The following FAH variants were observed in gnomAD, a reference collection of about 807,000 sequenced individuals.
FAH encodes fumarylacetoacetase.
In FAH, 47 loss-of-function variants were observed where a neutral mutation model predicts 55.8. The ratio of observed to expected loss-of-function variants is 0.84; its 90% CI spans 0.67 to 1.07. The LOEUF is 1.07. Among genes scored for constraint, FAH ranks in the 50% least tolerant of loss-of-function variants. The pLI, the probability that FAH is intolerant of heterozygous loss-of-function variation, is 0.00. For missense variants in FAH, 495 were observed against 545.9 expected, an observed-to-expected ratio of 0.91 and a Z score of 0.93; for synonymous variants, 199 against 207.7, an observed-to-expected ratio of 0.96 and a Z score of 0.36.
At chr15:80,164,441 C>T (rs2041175203) in intron 5 of FAH, among the ~76,000 whole-genome samples, 1 of 152,172 alleles carries the variant, frequency 6.6e-6, no homozygotes, top group Admixed American at 6.5e-5. Context: ...CTTAATCACA[C>T]CTGCAAAACT....
At chr15:80,179,156 C>G (rs1027359191) in intron 11 of FAH, among the ~76,000 whole-genome samples, 1 of 152,176 alleles carries the variant, frequency 6.6e-6, no homozygotes, top group Non-Finnish European at 1.5e-5. Flanking sequence ...AGCATTTTGC[C>G]TGCTCCACAT....
At chr15:80,181,219 C>A in intron 13 of FAH, 60 bp downstream of exon 13, 1 of 1,192,116 alleles carries the variant, frequency 8.4e-7, no homozygotes, top group Non-Finnish European at 1.2e-6. Context: ...ACTGTTCTAG[C>A]TGCGGGGCGC....
intron 11 of FAH, among the ~76,000 whole-genome samples, chr15:80,178,879 C>T (rs1011473247): frequency 3.9e-5 from 6 of 152,188 alleles, no homozygotes; most frequent in Non-Finnish European, 8.8e-5. Context: ...TGAGCCACTG[C>T]GCCCGGCCAA....
At chr15:80,169,956 C>T (rs1015473405) in intron 7 of FAH, among the ~76,000 whole-genome samples, 14 of 152,238 alleles carry the variant, frequency 9.2e-5, no homozygotes, top group African/African-American at 2.9e-4. Context: ...TGGCAACATC[C>T]TTCGTAACCA....
At chr15:80,162,709 T>A in intron 5 of FAH, 1 of 353,388 alleles carries the variant, frequency 2.8e-6, no homozygotes, top group South Asian at 2.4e-5. Flanking sequence ...AATCCTCAAA[T>A]GTGCCCAGTG....
chr15:80,169,370 G>A (rs535800890), intron 7 of FAH, among the ~76,000 whole-genome samples: 4 of 151,962 alleles, frequency 2.6e-5, no homozygotes, highest in East Asian at 1.9e-4. Flanking sequence ...GTGACAGAGC[G>A]AGACTCTGTC....
chr15:80,166,962 G>C (rs936787042), intron 5 of FAH: 2 of 152,118 alleles, frequency 1.3e-5, no homozygotes, highest in African/African-American at 4.8e-5. Context: ...ATAAAGTCAG[G>C]CATGCCAATC....
chr15:80,179,503 G>A (rs968028085), intron 11 of FAH, among the ~76,000 whole-genome samples: 3 of 152,114 alleles, frequency 2.0e-5, no homozygotes, highest in African/African-American at 7.2e-5. Flanking sequence ...GCTGTGGCCT[G>A]GGACAGGCAT....
Position 80,181,143 on chromosome 15 carries a change from T to C in FAH, c.1164T>C (p.Asp388=), listed in dbSNP as rs528010448. The C allele has an allele frequency of 1.9e-6, 3 of 1,612,694 alleles. No homozygotes were observed. Among genetic ancestry groups the C allele is most frequent in the Non-Finnish European group, 2.5e-6 (3 of 1,178,858 alleles). The change falls in exon 13 of 14, where the codon GAT becomes GAC. Residue 388 remains aspartate (D), a synonymous_variant. Coordinates refer to ENST00000561421, the MANE Select transcript of FAH (RefSeq NM_000137.4). ...CCAGGAAGTTTCTGCTGGACGGGGA[T>C]GAAGTCATCATAACAGGTGAGGGCT... ...GQTRKFLLDG[D]EVIITGYCQG...
At chr15:80,152,845 G>T (rs2142086575), upstream of FAH, 1 of 560,632 alleles carries the variant, frequency 1.8e-6, no homozygotes, top group South Asian at 1.9e-5. Flanking sequence ...GGTCAGGGTA[G>T]GGGGGAGGGG....
At chr15:80,185,772 A>G (rs375294421) in intron 13 of FAH, among the ~76,000 whole-genome samples, 2 of 152,170 alleles carry the variant, frequency 1.3e-5, no homozygotes, top group African/African-American at 4.8e-5. Flanking sequence ...TGATTCAATT[A>G]TCTCCCACTG....
At chr15:80,154,454 C>A (rs1255565852) in intron 1 of FAH, among the ~76,000 whole-genome samples, 1 of 152,236 alleles carries the variant, frequency 6.6e-6, no homozygotes, top group African/African-American at 2.4e-5. Context: ...TGCAGGGCAG[C>A]CACTACAGAT....
chr15:80,183,687 A>T (rs2041348430), intron 13 of FAH, among the ~76,000 whole-genome samples: 1 of 152,240 alleles, frequency 6.6e-6, no homozygotes, highest in South Asian at 2.1e-4. Context: ...ACGCGATAGA[A>T]CATTCAGAAG....
intron 1 of FAH, chr15:80,156,055 C>T (rs1378262178): frequency 6.2e-6 from 2 of 321,882 alleles, no homozygotes; most frequent in South Asian, 2.6e-5. Flanking sequence ...ATCCAGCCTC[C>T]TACAGGAAGC....
At chr15:80,177,447 G>A (rs1434172360) in intron 10 of FAH, 90 bp from the exon 11 acceptor site, 1 of 1,134,698 alleles carries the variant, frequency 8.8e-7, no homozygotes, top group African/African-American at 1.5e-5. Flanking sequence ...TGGACAATGG[G>A]AAGCTTCAGC....
Position 80,159,847 on chromosome 15 carries a change from G to A in FAH, c.284G>A (p.Arg95Lys), listed in dbSNP as rs755815616. 4.3e-6 allele frequency: 7 copies of A among 1,614,266 alleles called. No homozygotes were observed. In the South Asian group the frequency reaches 5.5e-5, roughly 13 times the overall value. The part of the protein sequence containing the change: ...LQNLLSVSQA[R>K]LRDDTELRKC... ...AACTTGCTGTCTGTGAGCCAAGCCA[G>A]GCTCAGAGATGACACCGAACTTCGG... is the stretch of plus-strand genomic sequence containing the variant. The change falls in exon 3 of 14, where the codon AGG becomes AAG. Residue 95 changes from arginine (R) to lysine (K), a missense_variant. Arg to Lys is a conservative substitution (Grantham distance 26, BLOSUM62 2). Transcript: ENST00000561421.
intron 7 of FAH, among the ~76,000 whole-genome samples, chr15:80,170,316 A>G (rs1175830163): frequency 6.6e-6 from 1 of 152,122 alleles, no homozygotes; most frequent in Non-Finnish European, 1.5e-5. Flanking sequence ...GTGTAGAAGA[A>G]GCTGTCATGG....
At chr15:80,172,860 C>G (rs978093043) in intron 8 of FAH, among the ~76,000 whole-genome samples, 154 bp from the exon 9 acceptor site, 2 of 151,868 alleles carry the variant, frequency 1.3e-5, no homozygotes, top group East Asian at 2.0e-4. Context: ...ATTGAATGCT[C>G]TTGCCCCTTT....
intron 7 of FAH, among the ~76,000 whole-genome samples, chr15:80,170,243 C>T (rs759206338): frequency 6.6e-6 from 1 of 152,246 alleles, no homozygotes; most frequent in Non-Finnish European, 1.5e-5. Context: ...GGGGCTTTCC[C>T]ATAGTCAGCA....
Sources: allele counts gnomAD v4.1 joint callset (sites outside exome capture counted in the v4.1 genomes callset), GRCh38; gene constraint gnomAD v4.1.1; transcripts MANE v1.5; gene names NCBI Gene and HGNC (gene_info 2026-07-23, HGNC 2026-07-21).